The following PLXNC1 variants were observed in gnomAD, a reference collection of about 807,000 sequenced individuals.
PLXNC1 encodes plexin-C1.
Under a neutral mutation model 178.2 loss-of-function variants are expected in PLXNC1, and 75 were observed. That is an observed-to-expected ratio of 0.42 (90% CI 0.35 to 0.51). The LOEUF is 0.51. PLXNC1 is among the 20% of genes least tolerant of loss of function. PLXNC1 has a pLI of 0.02. For synonymous variants in PLXNC1, 790 were observed against 779.9 expected (o/e 1.01, Z -0.22); for missense variants, 1,503 against 1,984.4 (o/e 0.76, Z 4.61).
chr12:94,160,484 G>A (rs1303232832), intron 1 of PLXNC1, among the ~76,000 whole-genome samples: 3 of 152,158 alleles, frequency 2.0e-5, no homozygotes, highest in South Asian at 2.1e-4. Flanking sequence ...CTGAGGAAGC[G>A]TGTTACCTAA....
At chr12:94,213,492 A>G (rs1462257067) in intron 5 of PLXNC1, among the ~76,000 whole-genome samples, 3 of 151,946 alleles carry the variant, frequency 2.0e-5, no homozygotes, top group Non-Finnish European at 4.4e-5. Context: ...CTACTTTTTG[A>G]TGGGGTCGTT....
chr12:94,166,315 T>C (rs1308599046), intron 1 of PLXNC1, among the ~76,000 whole-genome samples: 1 of 152,204 alleles, frequency 6.6e-6, no homozygotes, highest in Non-Finnish European at 1.5e-5. Flanking sequence ...AAAAAGTCTG[T>C]GCTCTTATCA....
Position 94,169,208 on chromosome 12 carries a change from A to G in PLXNC1, c.1118A>G (p.His373Arg), listed in dbSNP as rs1488523881. The G allele has an allele frequency of 6.2e-7, 1 of 1,614,036 alleles. No individual in the cohort carries two copies. Among genetic ancestry groups the G allele is most frequent in the Admixed American group, 1.7e-5 (1 of 60,022 alleles). Reference protein sequence around the residue: ...VQPIASSTLIHSDLTSVYGTV... With the variant: ...VQPIASSTLIRSDLTSVYGTV... ...CCAATCGCATCATCTACCTTGATCC[A>G]TTCCGACCTGACATCCGTTTATGGC... Residue 373 changes from histidine (H) to arginine (R), a missense_variant, in exon 2 of 31, where the codon CAT becomes CGT. Transcript: ENST00000258526.
chr12:94,221,053 C>T (rs1963783492), intron 6 of PLXNC1, among the ~76,000 whole-genome samples: 1 of 152,220 alleles, frequency 6.6e-6, no homozygotes, highest in African/African-American at 2.4e-5. Flanking sequence ...TGTGATGAAA[C>T]ACTGAAAGGT....
At chr12:94,273,444 C>T (rs1965709813) in intron 21 of PLXNC1, among the ~76,000 whole-genome samples, 1 of 152,120 alleles carries the variant, frequency 6.6e-6, no homozygotes, top group South Asian at 2.1e-4. Context: ...CAAGTGTCTC[C>T]ATGGTCTAGG....
At chr12:94,290,157 C>G (rs924321709) in intron 23 of PLXNC1, among the ~76,000 whole-genome samples, 3 of 152,196 alleles carry the variant, frequency 2.0e-5, no homozygotes, top group Non-Finnish European at 4.4e-5. Flanking sequence ...GGGATTCATT[C>G]TTTGACAATT....
rs566047687 is a variant in PLXNC1, at chr12:94,197,605, A to G, written c.1439+11132A>G. ...AATTTATTTTCTTTATAAATTTCCC[A>G]GTTAGTAGTATTCTGTAATAGCAAC... is the stretch of plus-strand genomic sequence containing the variant. On this transcript the variant is annotated intron_variant, in intron 4 of 30. Transcript: ENST00000258526. Among the ~76,000 whole-genome samples, 672 of 152,278 alleles carry G rather than the reference A, an allele frequency of 4.4e-3. 6 individuals carry two copies. The highest frequency in any genetic ancestry group is 0.015 in the African/African-American group (643 of 41,534).
intron 5 of PLXNC1, among the ~76,000 whole-genome samples, chr12:94,212,060 G>T (rs1012928031): frequency 2.6e-5 from 4 of 151,864 alleles, no homozygotes; most frequent in Non-Finnish European, 4.4e-5. Context: ...GGATCACGAG[G>T]TCAGGAGATC....
rs149663381 is a variant in PLXNC1 at position 94,218,107 on chromosome 12, G to A, written c.1555-1909G>A. On this transcript the variant is annotated intron_variant, in intron 5 of 30. Transcript: ENST00000258526. The stretch of plus-strand genomic sequence containing the variant: ...GTATACAAGATAAGATGTGTGGTGC[G>A]GATATAAATGCTGCGTTGAAGATTG... Among the ~76,000 whole-genome samples, 876 of 152,256 alleles carry A rather than the reference G, an allele frequency of 5.8e-3. 11 individuals are homozygous for A. The highest frequency in any genetic ancestry group is 0.02 in the African/African-American group (833 of 41,536).
chr12:94,232,474 ATT>A lies in PLXNC1; in HGVS notation c.1981-5189_1981-5188del, dbSNP rs1260547818. Among the ~76,000 whole-genome samples the A allele has an allele frequency of 1.4e-4, 21 of 152,326 alleles. No homozygotes were observed. The South Asian group carries it at 2.3e-3, about 17-fold the overall frequency. On this transcript the variant is annotated intron_variant, in intron 9 of 30. Coordinates refer to ENST00000258526, the MANE Select transcript of PLXNC1 (RefSeq NM_005761.3). Reference sequence around the variant, plus strand: ...TGGGGACCTTGCCTTCAAGAGTGAAATTAAATTTCACATATACCTTGCTGAGT... The same window carrying A: ...TGGGGACCTTGCCTTCAAGAGTGAAAAAATTTCACATATACCTTGCTGAGT...
At chr12:94,231,627 C>T (rs555234407) in intron 9 of PLXNC1, among the ~76,000 whole-genome samples, 5 of 152,266 alleles carry the variant, frequency 3.3e-5, no homozygotes, top group South Asian at 2.1e-4. Flanking sequence ...GACCCTGAAA[C>T]GTATAGCGTC....
At chr12:94,277,690 G>A (rs1303651514) in intron 21 of PLXNC1, 1 of 333,270 alleles carries the variant, frequency 3.0e-6, no homozygotes, top group East Asian at 8.4e-5. Context: ...AGCATGGAGT[G>A]GGCGTCCTAG....
At chr12:94,186,728 G>T in intron 4 of PLXNC1, 1 of 396,272 alleles carries the variant, frequency 2.5e-6, no homozygotes, top group East Asian at 4.5e-5. Context: ...CAGGAGAACG[G>T]GAGAGAGCAG....
At chr12:94,167,588 G>A (rs1961664263) in intron 1 of PLXNC1, among the ~76,000 whole-genome samples, 1 of 152,036 alleles carries the variant, frequency 6.6e-6, no homozygotes, top group Non-Finnish European at 1.5e-5. Flanking sequence ...AAGGTCATCC[G>A]ACTTTTCTTT....
At position 94,276,350 on chromosome 12, in the gene PLXNC1, T is replaced by C. The variant is rs1036480846; in HGVS notation, c.3598-3122T>C. 9.9e-5 allele frequency among the ~76,000 whole-genome samples: 15 copies of C among 152,216 alleles called. No homozygotes were observed. In the East Asian group the frequency reaches 1.5e-3, roughly 16 times the overall value. On this transcript the variant is annotated intron_variant, in intron 21 of 30. Coordinates refer to ENST00000258526, the MANE Select transcript of PLXNC1 (RefSeq NM_005761.3). Reference sequence around the variant, plus strand: ...AAGATCGTAGGTGGTGGCACCAGCATTGACCCCTTCACACCCACCCCTCCC... The same window carrying C: ...AAGATCGTAGGTGGTGGCACCAGCACTGACCCCTTCACACCCACCCCTCCC...
chr12:94,260,509 TAAAAA>T lies in PLXNC1; in HGVS notation c.3252-119_3252-115del, dbSNP rs376806060. Reference sequence around the variant, plus strand: ...ATAGAAGTGGTTAGAATCTAAACATTAAAAAAAAAAAAAAAAAAGCTCCCAACCCA... The same window carrying T: ...ATAGAAGTGGTTAGAATCTAAACATTAAAAAAAAAAAAAGCTCCCAACCCA... On this transcript the variant is annotated intron_variant, in intron 19 of 30. Coordinates refer to ENST00000258526, the MANE Select transcript of PLXNC1 (RefSeq NM_005761.3). The surrounding 1 kb of genome is among the most constrained non-coding windows in gnomAD (Gnocchi z 4.4). The T allele has an allele frequency of 1.3e-4, 61 of 485,132 alleles. No homozygotes were observed. Among genetic ancestry groups the T allele is most frequent in the Middle Eastern group, 5.2e-4 (1 of 1,910 alleles). 30.1% of individuals were successfully genotyped at this position (485,132 alleles called of 1,614,324 possible).
In PLXNC1 at chr12:94,251,280, C is replaced by T; in HGVS notation, c.2779-146C>T. ...ATTTGCCCAAGGACACATAGCTAAT[C>T]TGCCACAGAAATGAGAGTTGAACTC... On this transcript the variant is annotated intron_variant, in intron 14 of 30. Transcript: ENST00000258526. 3 of 614,878 alleles carry T rather than the reference C, an allele frequency of 4.9e-6. No homozygotes were observed. In the South Asian group the frequency reaches 5.9e-5, roughly 12 times the overall value. 38.1% of individuals were successfully genotyped at this position (614,878 alleles called of 1,614,324 possible).
At chr12:94,227,425 A>ATAAAATAAAT (rs1963976681) in intron 9 of PLXNC1, 190 bp downstream of exon 9, 1 of 463,088 alleles carries the variant, frequency 2.2e-6, no homozygotes. Flanking sequence ...GGACACTCAC[A>ATAAAATAAAT]TAAAATAAAT....
intron 4 of PLXNC1, among the ~76,000 whole-genome samples, chr12:94,207,687 G>A (rs1963341078): frequency 6.6e-6 from 1 of 152,180 alleles, no homozygotes; most frequent in African/African-American, 2.4e-5. Context: ...GTAATTCGAG[G>A]CAGCATATGA....
Sources: gnomAD v4.1 joint callset for allele counts (sites outside exome capture counted in the v4.1 genomes callset) on GRCh38, gnomAD v4.1.1 for gene constraint, Gnocchi (gnomAD v3.1) non-coding constraint, MANE v1.5 for transcripts, NCBI Gene and HGNC (gene_info 2026-07-23, HGNC 2026-07-21) for gene names.